CCDC171: variants seen among roughly 807,000 people sequenced by gnomAD.
CCDC171 encodes coiled-coil domain-containing protein 171.
A neutral mutation model predicts 168.2 loss-of-function variants in CCDC171; 177 were observed. The ratio of observed to expected loss-of-function variants is 1.05; its 90% CI spans 0.93 to 1.19. CCDC171 has a LOEUF of 1.19. Among genes scored for constraint, CCDC171 ranks in the 50% most tolerant of loss-of-function variants. The pLI is 0.00. For synonymous variants in CCDC171, 687 were observed against 540.8 expected (o/e 1.27, Z -3.75); for missense variants, 1,991 against 1,539.0 (o/e 1.29, Z -4.91).
chr9:15,623,619 G>C (rs2044761176), intron 7 of CCDC171, among the ~76,000 whole-genome samples: 2 of 151,768 alleles, frequency 1.3e-5, no homozygotes, highest in Non-Finnish European at 1.5e-5. Flanking sequence ...GAAAATTTTT[G>C]TATCTGAGTA....
chr9:15,699,806 G>T (rs1012854023), intron 11 of CCDC171, among the ~76,000 whole-genome samples: 8 of 152,190 alleles, frequency 5.3e-5, no homozygotes, highest in Non-Finnish European at 1.0e-4. Flanking sequence ...AGAGTAGCCA[G>T]ATACAGAGTG....
chr9:15,869,335 C>T (rs966373264), intron 23 of CCDC171, among the ~76,000 whole-genome samples: 1 of 151,920 alleles, frequency 6.6e-6, no homozygotes, highest in Admixed American at 6.6e-5. Context: ...CCCTGAATAT[C>T]ATTTTCATTG....
At chr9:15,822,205 T>A (rs2059804976) in intron 21 of CCDC171, among the ~76,000 whole-genome samples, 1 of 152,086 alleles carries the variant, frequency 6.6e-6, no homozygotes, top group African/African-American at 2.4e-5. Context: ...ACGACTTAAA[T>A]GTCAGACCTA....
chr9:16,105,973 G>T, the CCDC171 span, among the ~76,000 whole-genome samples: 1 of 152,176 alleles, frequency 6.6e-6, no homozygotes, highest in Non-Finnish European at 1.5e-5. Flanking sequence ...TTGCATTAAC[G>T]ACCTGCTTTC....
At chr9:15,611,107 G>T (rs2043651134) in intron 6 of CCDC171, among the ~76,000 whole-genome samples, 1 of 152,208 alleles carries the variant, frequency 6.6e-6, no homozygotes, top group South Asian at 2.1e-4. Flanking sequence ...TCATTTAAAA[G>T]TGTGTAGCGC....
At chr9:15,941,060 C>T (rs1233566708) in intron 25 of CCDC171, among the ~76,000 whole-genome samples, 6 of 151,864 alleles carry the variant, frequency 4.0e-5, no homozygotes, top group Admixed American at 3.9e-4. Context: ...CTGTCATAGC[C>T]TTCCATGCCA....
rs551855382 is a variant in CCDC171 at position 15,767,070 on chromosome 9, A to G, written c.2672-10530A>G. ...TACAACTGGTTAAAAATACATGACG[A>G]AAGTTTTTTTAGATGTAAACTTAAA... On this transcript the variant is annotated intron_variant, in intron 18 of 25. Coordinates refer to ENST00000380701, the MANE Select transcript of CCDC171 (RefSeq NM_173550.4). Among the ~76,000 whole-genome samples the G allele has an allele frequency of 5.7e-3, 876 of 152,368 alleles. 7 individuals carry two copies. Among genetic ancestry groups the G allele is most frequent in the Non-Finnish European group, 9.1e-3 (622 of 68,038 alleles).
At chr9:15,771,681 A>G (rs993569321) in intron 18 of CCDC171, among the ~76,000 whole-genome samples, 1 of 152,210 alleles carries the variant, frequency 6.6e-6, no homozygotes, top group Non-Finnish European at 1.5e-5. Context: ...ATGGTAAGTT[A>G]CTGAGAAAGG....
downstream of CCDC171, among the ~76,000 whole-genome samples, chr9:15,977,076 T>A (rs1048169535): frequency 1.3e-5 from 2 of 152,178 alleles, no homozygotes; most frequent in African/African-American, 4.8e-5. Context: ...AATGTGTAAA[T>A]TTACATATTA....
chr9:15,843,047 A>G (rs563217510), intron 21 of CCDC171, among the ~76,000 whole-genome samples: 1 of 151,972 alleles, frequency 6.6e-6, no homozygotes, highest in Admixed American at 6.6e-5. Flanking sequence ...GCCAGCTTTC[A>G]TTAATAGTAA....
At chr9:15,693,193 CG>C (rs1364960963) in intron 10 of CCDC171, among the ~76,000 whole-genome samples, 1 of 108,808 alleles carries the variant, frequency 9.2e-6, no homozygotes, top group Non-Finnish European at 1.9e-5. Flanking sequence ...ATTCTCTCTG[CG>C]TTTACAAATA....
rs141669503 is a variant in CCDC171 at position 15,833,183 on chromosome 9, C to A, written c.3268-13519C>A. On this transcript the variant is annotated intron_variant, in intron 21 of 25. Transcript: ENST00000380701. ...TTTTTGTACTTTTTAGTAGACACAG[C>A]GTTTTGCCATGTTGGCCAGGCTGGT... is the stretch of plus-strand genomic sequence containing the variant. Among the ~76,000 whole-genome samples, 1,036 of 151,918 alleles carry A rather than the reference C, an allele frequency of 6.8e-3. 4 individuals are homozygous for A. The highest frequency in any genetic ancestry group is 0.01 in the Middle Eastern group (3 of 294).
intron 3 of CCDC171, among the ~76,000 whole-genome samples, chr9:15,999,634 C>T (rs1467064565): frequency 2.0e-5 from 3 of 152,178 alleles, no homozygotes; most frequent in Non-Finnish European, 4.4e-5. Context: ...CTGTTGCCTC[C>T]AAGGACAAGG....
intron 4 of CCDC171, among the ~76,000 whole-genome samples, chr9:15,580,734 A>T (rs2041045076): frequency 6.6e-6 from 1 of 152,174 alleles, no homozygotes; most frequent in Non-Finnish European, 1.5e-5. Context: ...AAAATAACAG[A>T]TGTTGCATGG....
At chr9:15,950,846 A>T (rs1829065977) in intron 25 of CCDC171, among the ~76,000 whole-genome samples, 1 of 151,570 alleles carries the variant, frequency 6.6e-6, no homozygotes, top group South Asian at 2.1e-4. Context: ...ATAAAGAGTC[A>T]AGACCCATCA....
chr9:15,602,530 G>T (rs1052389888), intron 6 of CCDC171, among the ~76,000 whole-genome samples: 2 of 151,470 alleles, frequency 1.3e-5, no homozygotes, highest in Non-Finnish European at 2.9e-5. Flanking sequence ...TTGGAGATTG[G>T]AGCACTAAAT....
At chr9:15,626,489 T>C (rs2045122836) in intron 7 of CCDC171, among the ~76,000 whole-genome samples, 1 of 152,226 alleles carries the variant, frequency 6.6e-6, no homozygotes, top group African/African-American at 2.4e-5. Context: ...ATACATCCCA[T>C]CAATACCTAG....
chr9:16,092,305 C>A, the CCDC171 span, among the ~76,000 whole-genome samples: 1 of 152,218 alleles, frequency 6.6e-6, no homozygotes, highest in African/African-American at 2.4e-5. Flanking sequence ...AGGTTGCAAT[C>A]ACTTGGGAAG....
At chr9:15,936,448 G>C (rs1271854824) in intron 25 of CCDC171, among the ~76,000 whole-genome samples, 1 of 151,934 alleles carries the variant, frequency 6.6e-6, no homozygotes, top group African/African-American at 2.4e-5. Context: ...GTTCAGACCA[G>C]CTCATCTGTT....
Sources: gnomAD v4.1 joint callset for allele counts (sites outside exome capture counted in the v4.1 genomes callset) on GRCh38, gnomAD v4.1.1 for gene constraint, MANE v1.5 for transcripts, NCBI Gene and HGNC (gene_info 2026-07-23, HGNC 2026-07-21) for gene names.